Variants in RNF125 observed in about 807,000 individuals in gnomAD.
The protein encoded by RNF125 is ring finger protein 125, also known as E3 ubiquitin-protein ligase RNF125.
Under a neutral mutation model 26.0 loss-of-function variants are expected in RNF125, and 21 were observed. The ratio of observed to expected loss-of-function variants is 0.81; its 90% confidence interval spans 0.57 to 1.16. RNF125 has a LOEUF of 1.16. RNF125 is among the 50% of genes most tolerant of loss of function. The pLI is 0.00. For missense variants in RNF125, 270 were observed against 299.4 expected (o/e 0.90, Z 0.72); for synonymous variants, 95 against 109.2 (o/e 0.87, Z 0.81).
intron 5 of RNF125, among the ~76,000 whole-genome samples, chr18:32,067,952 G>T (rs995591196): frequency 6.6e-6 from 1 of 152,180 alleles, no homozygotes; most frequent in African/African-American, 2.4e-5. Context: ...CTGTGGGGGA[G>T]CCTGAACTTT....
the RNF125 span, among the ~76,000 whole-genome samples, chr18:32,086,862 G>A: frequency 6.6e-6 from 1 of 151,878 alleles, no homozygotes; most frequent in African/African-American, 2.4e-5. Flanking sequence ...ATGTTGTCCA[G>A]GCTGGTCTCA....
the RNF125 span, among the ~76,000 whole-genome samples, chr18:32,089,924 A>C: frequency 6.6e-6 from 1 of 152,246 alleles, no homozygotes; most frequent in African/African-American, 2.4e-5. Context: ...AATGGTCAGA[A>C]TGAATGAAAT....
chr18:32,054,086 C>CTTTT (rs35616121), intron 4 of RNF125, among the ~76,000 whole-genome samples: 16 of 88,360 alleles, frequency 1.8e-4, no homozygotes, highest in African/African-American at 3.3e-4. Context: ...GACATTTGTA[C>CTTTT]TTTTTTTTTT....
chr18:32,074,197 G>A (rs906868243), downstream of RNF125, among the ~76,000 whole-genome samples: 5 of 152,154 alleles, frequency 3.3e-5, no homozygotes, highest in African/African-American at 1.2e-4. Flanking sequence ...TCATCTCATG[G>A]CATTTGTATA....
At chr18:32,034,270 C>T (rs564130944) in intron 1 of RNF125, among the ~76,000 whole-genome samples, 54 of 152,276 alleles carry the variant, frequency 3.5e-4, no homozygotes, top group African/African-American at 1.2e-3. Context: ...GACAACCTCG[C>T]GGATCTTCTC....
intron 1 of RNF125, among the ~76,000 whole-genome samples, chr18:32,029,381 C>T (rs2039070028): frequency 6.6e-6 from 1 of 150,832 alleles, no homozygotes; most frequent in Non-Finnish European, 1.5e-5. Flanking sequence ...AATCTCAGCA[C>T]TTCGGGAGGC....
chr18:32,030,876 T>C (rs2039086852), intron 1 of RNF125, among the ~76,000 whole-genome samples: 1 of 152,148 alleles, frequency 6.6e-6, no homozygotes, highest in African/African-American at 2.4e-5. Context: ...TTTATTATTT[T>C]ATTTTTTAGA....
chr18:32,027,759 GCAGATAA>G (rs1303540134), intron 1 of RNF125, among the ~76,000 whole-genome samples: 6 of 152,122 alleles, frequency 3.9e-5, no homozygotes, highest in Middle Eastern at 3.4e-3. Flanking sequence ...TATAAAACAG[GCAGATAA>G]CAGATTAATG....
At position 32,050,865 on chromosome 18, in the gene RNF125, C is replaced by CTTTTTTTTTTTTT. The variant is rs531751585; in HGVS notation, c.504+5155_504+5167dup. On this transcript the variant is annotated intron_variant, in intron 4 of 5. Coordinates refer to ENST00000217740, the MANE Select transcript of RNF125 (RefSeq NM_017831.4). ...CCAGCTAGTCTCTCGGTCTAGAGTG[C>CTTTTTTTTTTTTT]TTTTTTTTTTTTTTTTTTTTTTTTT... Among the ~76,000 whole-genome samples the CTTTTTTTTTTTTT allele has an allele frequency of 6.9e-4, 32 of 46,342 alleles. 8 individuals carry two copies. The highest frequency in any genetic ancestry group is 1.1e-3 in the Non-Finnish European group (27 of 25,614). 30.4% of individuals were successfully genotyped at this position (46,342 alleles called of 152,430 possible).
chr18:32,042,969 C>T (rs758250196), intron 3 of RNF125, among the ~76,000 whole-genome samples: 10 of 151,180 alleles, frequency 6.6e-5, no homozygotes, highest in East Asian at 1.9e-4. Context: ...GGCAACATGG[C>T]GAAACCCCAT....
At chr18:32,064,155 T>G (rs1035768614) in intron 4 of RNF125, among the ~76,000 whole-genome samples, 1 of 151,852 alleles carries the variant, frequency 6.6e-6, no homozygotes, top group Non-Finnish European at 1.5e-5. Context: ...CCACCACGCC[T>G]GGCTAATTTT....
At chr18:32,019,055 C>T in intron 1 of RNF125, 28 bp downstream of exon 1, 1 of 1,609,778 alleles carries the variant, frequency 6.2e-7, no homozygotes, top group South Asian at 1.1e-5. Context: ...TCGGTTTGCG[C>T]CCACCCCTAA....
chr18:32,023,389 G>C (rs1168869121), intron 1 of RNF125, among the ~76,000 whole-genome samples: 1 of 152,128 alleles, frequency 6.6e-6, no homozygotes. Context: ...CTGAGCTCAG[G>C]TGATTTGCCT....
At chr18:32,058,718 T>C (rs2039409183) in intron 4 of RNF125, among the ~76,000 whole-genome samples, 1 of 152,158 alleles carries the variant, frequency 6.6e-6, no homozygotes, top group South Asian at 2.1e-4. Flanking sequence ...CTAAATCTTA[T>C]ACATTCTATC....
At chr18:32,057,908 A>G (rs891830493) in intron 4 of RNF125, among the ~76,000 whole-genome samples, 1 of 152,080 alleles carries the variant, frequency 6.6e-6, no homozygotes, top group Non-Finnish European at 1.5e-5. Context: ...ATTTCTAACA[A>G]GTTACCAGAT....
At chr18:32,029,063 G>A (rs1049372191) in intron 1 of RNF125, among the ~76,000 whole-genome samples, 1 of 152,118 alleles carries the variant, frequency 6.6e-6, no homozygotes, top group South Asian at 2.1e-4. Flanking sequence ...TCTTTTGGAA[G>A]AACACTGTGC....
At chr18:32,035,463 T>G (rs2039143621) in intron 1 of RNF125, among the ~76,000 whole-genome samples, 1 of 152,180 alleles carries the variant, frequency 6.6e-6, no homozygotes, top group Non-Finnish European at 1.5e-5. Flanking sequence ...TAGCTGTGCC[T>G]GCCCATCACT....
downstream of RNF125, among the ~76,000 whole-genome samples, chr18:32,075,556 G>T (rs564627002): frequency 7.0e-4 from 106 of 152,212 alleles, no homozygotes; most frequent in African/African-American, 2.4e-3. Context: ...AGCTGGGCTT[G>T]GTGGTGCATG....
At chr18:32,066,654 C>T (rs745774946) in intron 5 of RNF125, among the ~76,000 whole-genome samples, 33 of 152,154 alleles carry the variant, frequency 2.2e-4, no homozygotes, top group Non-Finnish European at 4.3e-4. Flanking sequence ...TATTTAACCT[C>T]GGAAACTCAG....
Sources: gnomAD v4.1 joint callset for allele counts (sites outside exome capture counted in the v4.1 genomes callset) on GRCh38, gnomAD v4.1.1 for gene constraint, MANE v1.5 for transcripts, NCBI Gene and HGNC (gene_info 2026-07-23, HGNC 2026-07-21) for gene names.